The following TENM3 variants were observed in gnomAD, a reference collection of about 807,000 sequenced individuals.
TENM3 encodes the protein teneurin transmembrane protein 3.
A neutral mutation model predicts 255.1 loss-of-function variants in TENM3; 63 were observed. The ratio of observed to expected loss-of-function variants is 0.25; its 90% CI spans 0.20 to 0.30. TENM3 has a LOEUF of 0.30. Among genes scored for constraint, TENM3 ranks in the 10% least tolerant of loss-of-function variants. TENM3 has a pLI of 1.00. For missense variants in TENM3, 2,929 were observed against 3,461.1 expected (o/e 0.85, Z 3.86); for synonymous variants, 1,306 against 1,322.3 (o/e 0.99, Z 0.27).
rs1025632781 is a variant in TENM3, at chr4:182,773,388, C to G, written c.4893-84C>G. 1.3e-5 allele frequency: 16 copies of G among 1,271,194 alleles called. No homozygotes were observed. The South Asian group carries it at 2.4e-4, about 19-fold the overall frequency. 78.7% of individuals were successfully genotyped at this position (1,271,194 alleles called of 1,614,324 possible). A position where few individuals can be genotyped will look rare whatever the true frequency, so the allele number is the denominator to read the frequency against. Reference sequence around the variant, plus strand: ...CAAATAGTCCTCCAAATTTGTGCAACTAATATTGCTACACATTATATTTAT... The same window carrying G: ...CAAATAGTCCTCCAAATTTGTGCAAGTAATATTGCTACACATTATATTTAT... On this transcript the variant is annotated intron_variant, in intron 22 of 27. Transcript: ENST00000511685.
the TENM3 span, among the ~76,000 whole-genome samples, chr4:181,803,925 A>C: frequency 1.6e-5 from 2 of 123,372 alleles, no homozygotes; most frequent in Middle Eastern, 3.9e-3. Context: ...ACTGACTGAG[A>C]CTTATTATCT....
At chr4:182,608,445 G>A (rs1190176754) in intron 4 of TENM3, among the ~76,000 whole-genome samples, 2 of 152,048 alleles carry the variant, frequency 1.3e-5, no homozygotes, top group African/African-American at 4.8e-5. Flanking sequence ...TTAATTATTA[G>A]CATTTATTTA....
At chr4:182,581,335 C>A (rs1351268363) in intron 3 of TENM3, among the ~76,000 whole-genome samples, 1 of 152,170 alleles carries the variant, frequency 6.6e-6, no homozygotes, top group Non-Finnish European at 1.5e-5. Flanking sequence ...TTTAATAATG[C>A]TGTCTCAAAT....
the TENM3 span, among the ~76,000 whole-genome samples, chr4:181,982,825 C>G: frequency 5.9e-5 from 9 of 152,082 alleles, no homozygotes; most frequent in Non-Finnish European, 1.3e-4. Flanking sequence ...ATCCAGTATT[C>G]TGTTTTTATA....
At chr4:182,149,908 C>G (rs1047843198) in intron 1 of TENM3, among the ~76,000 whole-genome samples, 9 of 151,914 alleles carry the variant, frequency 5.9e-5, no homozygotes, top group African/African-American at 2.2e-4. Flanking sequence ...ACAGTGATAC[C>G]TTCTGAAAAT....
chr4:182,017,907 A>G, the TENM3 span, among the ~76,000 whole-genome samples: 1 of 152,328 alleles, frequency 6.6e-6, no homozygotes, highest in African/African-American at 2.4e-5. Context: ...CTTTAGAGGG[A>G]CAGAAAACAG....
At chr4:182,046,677 C>A in the TENM3 span, among the ~76,000 whole-genome samples, 1 of 152,048 alleles carries the variant, frequency 6.6e-6, no homozygotes, top group Admixed American at 6.6e-5. Context: ...CTGCAGTGAG[C>A]CATGATCCTG....
chr4:181,604,190 G>A, the TENM3 span, among the ~76,000 whole-genome samples: 5 of 152,106 alleles, frequency 3.3e-5, no homozygotes, highest in South Asian at 4.1e-4. Context: ...GCGTGAACCC[G>A]GGAGGCGGAG....
rs892088400 is a variant in TENM3, at chr4:182,780,329, T to C, written c.5304+5176T>C. ...AAATGGGGAATCCTTTCCCCATTGCTTGTTTTTCTCAGGTTTGTCAAAGAT... is the reference window on the plus strand; with the variant it reads ...AAATGGGGAATCCTTTCCCCATTGCCTGTTTTTCTCAGGTTTGTCAAAGAT... On this transcript the variant is annotated intron_variant, in intron 24 of 27. Transcript: ENST00000511685. 1.0e-3 allele frequency among the ~76,000 whole-genome samples: 134 copies of C among 129,476 alleles called. 2 individuals are homozygous for C. The highest frequency in any genetic ancestry group is 2.6e-4 in the Non-Finnish European group (16 of 62,558). The allele number at this position is 129,476 out of a possible 152,430, so 84.9% of individuals were successfully genotyped here. A position where few individuals can be genotyped will look rare whatever the true frequency, so the allele number is the denominator to read the frequency against.
the TENM3 span, among the ~76,000 whole-genome samples, chr4:181,519,035 CA>C: frequency 6.6e-5 from 10 of 151,616 alleles, no homozygotes; most frequent in Non-Finnish European, 1.0e-4. Flanking sequence ...TGGTGAGTAA[CA>C]AAAAAAATAT....
the TENM3 span, among the ~76,000 whole-genome samples, chr4:182,130,429 T>C: frequency 6.6e-6 from 1 of 152,302 alleles, no homozygotes; most frequent in African/African-American, 2.4e-5. Context: ...GATTAATACT[T>C]AGCAATACAT....
chr4:182,100,600 C>CATATATACACACAGATATATACACACAT, the TENM3 span, among the ~76,000 whole-genome samples: 1 of 22,148 alleles, frequency 4.5e-5, no homozygotes, highest in African/African-American at 1.9e-4. Flanking sequence ...CATATATACA[C>CATATATACACACAGATATATACACACAT]ATATATACAC....
At chr4:181,888,353 T>C in the TENM3 span, among the ~76,000 whole-genome samples, 1 of 151,164 alleles carries the variant, frequency 6.6e-6, no homozygotes, top group African/African-American at 2.4e-5. Context: ...TAGTTTGTCA[T>C]TTCCCAACCT....
At chr4:181,878,236 T>A in the TENM3 span, among the ~76,000 whole-genome samples, 1 of 152,016 alleles carries the variant, frequency 6.6e-6, no homozygotes, top group African/African-American at 2.4e-5. Context: ...ATCATTATAT[T>A]CGGGTGAATG....
chr4:181,665,553 A>G, the TENM3 span, among the ~76,000 whole-genome samples: 6 of 152,114 alleles, frequency 3.9e-5, no homozygotes, highest in African/African-American at 1.4e-4. Context: ...ATACTTTTTC[A>G]TACATACGGT....
rs180704580 is a variant in TENM3, at chr4:182,519,591, G to A, written c.512-81333G>A. On this transcript the variant is annotated intron_variant, in intron 3 of 27. Transcript: ENST00000511685. ...GTTACATTTGTTAAGTGAAGGAGCTGAAATCCAATCCCATGTCTTTCTGAG... is the reference window on the plus strand; with the variant it reads ...GTTACATTTGTTAAGTGAAGGAGCTAAAATCCAATCCCATGTCTTTCTGAG... 3.0e-4 allele frequency among the ~76,000 whole-genome samples: 45 copies of A among 152,324 alleles called. No homozygotes were observed. The East Asian group carries it at 6.8e-3, about 23-fold the overall frequency.
chr4:182,784,950 T>C (rs1441180266), intron 24 of TENM3, among the ~76,000 whole-genome samples: 1 of 152,154 alleles, frequency 6.6e-6, no homozygotes, highest in African/African-American at 2.4e-5. Context: ...CTGCGCCCAC[T>C]GTCTGGCACT....
intron 1 of TENM3, among the ~76,000 whole-genome samples, chr4:182,287,107 A>C (rs1760782562): frequency 6.6e-6 from 1 of 152,224 alleles, no homozygotes; most frequent in African/African-American, 2.4e-5. Context: ...GCATGACTGT[A>C]GTTCCAGCTA....
chr4:182,254,595 G>C (rs781234839), intron 1 of TENM3, among the ~76,000 whole-genome samples: 3 of 152,094 alleles, frequency 2.0e-5, no homozygotes, highest in African/African-American at 7.2e-5. Context: ...CCTTATTTAG[G>C]TAAATGTTAC....
Sources: gnomAD v4.1 joint callset for allele counts (sites outside exome capture counted in the v4.1 genomes callset) on GRCh38, gnomAD v4.1.1 for gene constraint, MANE v1.5 for transcripts, NCBI Gene and HGNC (gene_info 2026-07-23, HGNC 2026-07-21) for gene names.